RANBP10: variants seen among roughly 807,000 people sequenced by gnomAD.
RANBP10 encodes the protein ran-binding protein 10.
In RANBP10, 24 loss-of-function variants were observed where a neutral mutation model predicts 72.8. The observed-to-expected ratio is 0.33, with a 90% CI of 0.24 to 0.46. The LOEUF (loss-of-function observed/expected upper bound fraction) is 0.46. Among genes scored for constraint, RANBP10 ranks in the 20% least tolerant of loss-of-function variants. The pLI is 1.00. For synonymous variants in RANBP10, 310 were observed against 322.3 expected (o/e 0.96, Z 0.41); for missense variants, 679 against 817.5 (o/e 0.83, Z 2.07).
At chr16:67,787,266 G>C (rs879805583) in intron 2 of RANBP10, among the ~76,000 whole-genome samples, 4 of 151,996 alleles carry the variant, frequency 2.6e-5, no homozygotes, top group East Asian at 3.9e-4. Context: ...ATCAATCAAA[G>C]TTCCAGCTAC....
intron 4 of RANBP10, among the ~76,000 whole-genome samples, chr16:67,739,318 C>T (rs1345267319): frequency 6.6e-6 from 1 of 152,156 alleles, no homozygotes; most frequent in African/African-American, 2.4e-5. Flanking sequence ...GGGAAGCAGG[C>T]TTATTGCATT....
chr16:67,738,092 C>T, intron 4 of RANBP10, 57 bp from the exon 5 acceptor site: 1 of 1,522,116 alleles, frequency 6.6e-7, no homozygotes, highest in East Asian at 2.4e-5. Flanking sequence ...TCTGCCTCTG[C>T]ACCCCATGGT....
chr16:67,775,098 G>C (rs1471611065), intron 2 of RANBP10, among the ~76,000 whole-genome samples: 1 of 152,076 alleles, frequency 6.6e-6, no homozygotes, highest in Non-Finnish European at 1.5e-5. Flanking sequence ...GATCACTTGA[G>C]GTCAGGAGTT....
chr16:67,780,267 T>C (rs1170821472), intron 2 of RANBP10, among the ~76,000 whole-genome samples: 1 of 151,004 alleles, frequency 6.6e-6, no homozygotes, highest in Non-Finnish European at 1.5e-5. Flanking sequence ...CACAGCAGAA[T>C]GTGAAAAGGC....
At chr16:67,776,702 G>A (rs1250949813) in intron 2 of RANBP10, among the ~76,000 whole-genome samples, 2 of 147,708 alleles carry the variant, frequency 1.4e-5, no homozygotes, top group African/African-American at 5.0e-5. Context: ...GAACCTGGGG[G>A]CAGAAGTGGC....
In RANBP10 at chr16:67,784,926, T is replaced by A. The variant is rs1395540140; in HGVS notation, c.348-12840A>T. ...CCAGTAGCACTTAAAAAAAAAAAAA[T>A]AGGCTGGGTGCGGTGGCTCACGCCT... On this transcript the variant is annotated intron_variant, in intron 2 of 13. Transcript: ENST00000317506. Among the ~76,000 whole-genome samples, 53 of 144,480 alleles carry A rather than the reference T, an allele frequency of 3.7e-4. No homozygotes were observed. In the South Asian group the frequency reaches 6.5e-3, roughly 18 times the overall value. 94.8% of individuals were successfully genotyped at this position (144,480 alleles called of 152,430 possible).
chr16:67,781,977 G>A (rs1229703566), intron 2 of RANBP10, among the ~76,000 whole-genome samples: 2 of 152,036 alleles, frequency 1.3e-5, no homozygotes, highest in Non-Finnish European at 2.9e-5. Flanking sequence ...GAGCAAGGGG[G>A]TCCACCCAGC....
chr16:67,747,826 T>TG (rs1280404215), intron 3 of RANBP10, among the ~76,000 whole-genome samples: 1 of 149,096 alleles, frequency 6.7e-6, no homozygotes, highest in African/African-American at 2.5e-5. Flanking sequence ...TCTTTTTTTT[T>TG]TTTTTTTTTT....
At chr16:67,805,300 T>C in intron 2 of RANBP10, 128 bp downstream of exon 2, 1 of 705,566 alleles carries the variant, frequency 1.4e-6, no homozygotes, top group Non-Finnish European at 2.3e-6. Flanking sequence ...AGTCAGGAAA[T>C]AATGGCAGCC....
intron 2 of RANBP10, among the ~76,000 whole-genome samples, chr16:67,802,792 A>G (rs2055260667): frequency 1.3e-5 from 2 of 152,230 alleles, no homozygotes; most frequent in Admixed American, 1.3e-4. Flanking sequence ...AGCAAGATCG[A>G]CTAAAACTGA....
At chr16:67,764,626 C>A (rs1201662470) in intron 3 of RANBP10, among the ~76,000 whole-genome samples, 2 of 152,212 alleles carry the variant, frequency 1.3e-5, no homozygotes, top group Non-Finnish European at 2.9e-5. Context: ...GCTTGTCAAT[C>A]CTGTCACAGT....
chr16:67,773,242 T>C (rs3916010), intron 2 of RANBP10, among the ~76,000 whole-genome samples: 4 of 152,100 alleles, frequency 2.6e-5, no homozygotes, highest in Non-Finnish European at 5.9e-5. Flanking sequence ...TAAAAGAGTA[T>C]AGCACCTCCC....
At chr16:67,726,793 C>T (rs1269139206) in intron 13 of RANBP10, among the ~76,000 whole-genome samples, 1 of 152,218 alleles carries the variant, frequency 6.6e-6, no homozygotes, top group Non-Finnish European at 1.5e-5. Context: ...CTGCCATGGC[C>T]TAGGACCCAT....
chr16:67,737,980 C>T (rs764530152), intron 5 of RANBP10, 33 bp downstream of exon 5: 101 of 1,572,942 alleles, frequency 6.4e-5, no homozygotes, highest in Non-Finnish European at 8.6e-5. Flanking sequence ...CCCCCAGAAA[C>T]CCAGGAGGGG....
At chr16:67,783,878 C>T (rs2054858552) in intron 2 of RANBP10, among the ~76,000 whole-genome samples, 2 of 151,890 alleles carry the variant, frequency 1.3e-5, no homozygotes, top group South Asian at 4.2e-4. Context: ...CCCATCTCTA[C>T]TAAAAATACA....
chr16:67,732,103 A>G (rs1317624983), intron 6 of RANBP10, among the ~76,000 whole-genome samples: 2 of 152,198 alleles, frequency 1.3e-5, no homozygotes, highest in African/African-American at 4.8e-5. Context: ...TCAGCCCTCC[A>G]GGTGAACCTG....
chr16:67,790,010 T>C (rs1041344947), intron 2 of RANBP10, among the ~76,000 whole-genome samples: 4 of 151,132 alleles, frequency 2.6e-5, no homozygotes, highest in East Asian at 3.9e-4. Context: ...GGCAGGAGAA[T>C]TGCTGAACCT....
At chr16:67,791,310 G>T (rs2055023819) in intron 2 of RANBP10, among the ~76,000 whole-genome samples, 1 of 152,146 alleles carries the variant, frequency 6.6e-6, no homozygotes, top group Admixed American at 6.6e-5. Context: ...ACTATGCCCG[G>T]CCCAGTTTTA....
chr16:67,730,790 G>GC lies in RANBP10; in HGVS notation c.889+681_889+682insG, dbSNP rs1231081202. Reference sequence around the variant, plus strand: ...GAAGAGACAGCAGGCTTGGAGAGGGGTAGGCAGGCACTCACAGACACGCAT... The same window carrying GC: ...GAAGAGACAGCAGGCTTGGAGAGGGGCTAGGCAGGCACTCACAGACACGCAT... On this transcript the variant is annotated intron_variant, in intron 7 of 13. Coordinates refer to ENST00000317506, the MANE Select transcript of RANBP10 (RefSeq NM_020850.3). This position sits in a 1 kb window ranked among gnomAD's most constrained non-coding sequence, Gnocchi z 4.3. Among the ~76,000 whole-genome samples the GC allele has an allele frequency of 6.6e-6, 1 of 152,126 alleles. No individual in the cohort carries two copies. The highest frequency in any genetic ancestry group is 1.5e-5 in the Non-Finnish European group (1 of 68,018).
Sources: allele counts gnomAD v4.1 joint callset (sites outside exome capture counted in the v4.1 genomes callset), GRCh38; gene constraint gnomAD v4.1.1; non-coding constraint Gnocchi (gnomAD v3.1); transcripts MANE v1.5; gene names NCBI Gene and HGNC (gene_info 2026-07-23, HGNC 2026-07-21).